MYO5A: variants seen among roughly 807,000 people sequenced by gnomAD.
MYO5A encodes the protein unconventional myosin-Va.
A neutral mutation model predicts 249.7 loss-of-function variants in MYO5A; 98 were observed. The ratio of observed to expected loss-of-function variants is 0.39; its 90% CI spans 0.33 to 0.46. MYO5A has a LOEUF of 0.46. MYO5A is among the 20% of genes least tolerant of loss of function. The pLI, the probability that MYO5A is intolerant of heterozygous loss-of-function variation, is 0.98. For missense variants in MYO5A, 1,696 were observed against 2,308.8 expected, an observed-to-expected ratio of 0.73 and a Z score of 5.44; for synonymous variants, 778 against 810.6, an observed-to-expected ratio of 0.96 and a Z score of 0.68.
At chr15:52,475,298 C>T (rs528501762) in intron 1 of MYO5A, among the ~76,000 whole-genome samples, 1 of 152,092 alleles carries the variant, frequency 6.6e-6, no homozygotes, top group Non-Finnish European at 1.5e-5. Flanking sequence ...AGTAGTCTTG[C>T]TAGCAGTCTA....
intron 1 of MYO5A, among the ~76,000 whole-genome samples, chr15:52,514,837 T>C (rs1042031937): frequency 6.6e-6 from 1 of 152,166 alleles, no homozygotes; most frequent in African/African-American, 2.4e-5. Flanking sequence ...CAAAATCCTA[T>C]GGGGAATCAT....
intron 16 of MYO5A, among the ~76,000 whole-genome samples, chr15:52,382,128 C>T (rs2041773533): frequency 6.6e-6 from 1 of 152,188 alleles, no homozygotes; most frequent in Admixed American, 6.5e-5. Context: ...GTCTCAAGCT[C>T]CTGACCTCAG....
At chr15:52,501,876 TACACACACACAC>T (rs10552352) in intron 1 of MYO5A, among the ~76,000 whole-genome samples, 5 of 140,432 alleles carry the variant, frequency 3.6e-5, no homozygotes, top group South Asian at 2.3e-4. Context: ...ATACATATAC[TACACACACACAC>T]ACACACACAC....
intron 40 of MYO5A, among the ~76,000 whole-genome samples, chr15:52,314,747 TAGAG>T (rs554248223): frequency 1.3e-5 from 2 of 152,202 alleles, no homozygotes; most frequent in Non-Finnish European, 2.9e-5. Context: ...ATTAATCAAT[TAGAG>T]AGTATGAAGT....
At chr15:52,419,471 G>A (rs1301271072) in intron 4 of MYO5A, among the ~76,000 whole-genome samples, 1 of 152,098 alleles carries the variant, frequency 6.6e-6, no homozygotes, top group Non-Finnish European at 1.5e-5. Context: ...TCTGCTCTCT[G>A]TGTCTCTCTG....
chr15:52,396,272 G>C, intron 11 of MYO5A, 44 bp downstream of exon 11: 1 of 1,151,890 alleles, frequency 8.7e-7, no homozygotes, highest in Non-Finnish European at 1.3e-6. Flanking sequence ...GAATTCAAGA[G>C]AATAATTTAT....
At chr15:52,486,483 C>T (rs1189338765) in intron 1 of MYO5A, among the ~76,000 whole-genome samples, 2 of 152,202 alleles carry the variant, frequency 1.3e-5, no homozygotes, top group Non-Finnish European at 2.9e-5. Context: ...ATGTTACCTT[C>T]TCAGAGAGGC....
chr15:52,423,535 G>C (rs1352614955), intron 4 of MYO5A, among the ~76,000 whole-genome samples: 3 of 147,360 alleles, frequency 2.0e-5, no homozygotes, highest in African/African-American at 7.6e-5. Flanking sequence ...TTGGGTGACA[G>C]GGCAAGACTC....
chr15:52,517,451 G>A (rs2141644203), intron 1 of MYO5A, among the ~76,000 whole-genome samples: 1 of 152,300 alleles, frequency 6.6e-6, no homozygotes, highest in East Asian at 1.9e-4. Context: ...TTGGGAATCT[G>A]AGGTGGGCAG....
At chr15:52,336,625 T>C (rs545565445) in intron 33 of MYO5A, 69 bp from the exon 34 acceptor site, 16 of 1,113,218 alleles carry the variant, frequency 1.4e-5, no homozygotes, top group Admixed American at 2.0e-5. Flanking sequence ...CAAAGGAAAA[T>C]AGACACAATA....
intron 37 of MYO5A, among the ~76,000 whole-genome samples, chr15:52,321,951 C>T (rs968784266): frequency 6.6e-6 from 1 of 152,000 alleles, no homozygotes; most frequent in Non-Finnish European, 1.5e-5. Context: ...TGAAATAGAC[C>T]GATTTCTACA....
chr15:52,357,127 A>T (rs542470879), intron 25 of MYO5A, among the ~76,000 whole-genome samples: 1 of 152,142 alleles, frequency 6.6e-6, no homozygotes, highest in Non-Finnish European at 1.5e-5. Context: ...AATTTCATTC[A>T]TATAAAAATT....
At chr15:52,424,764 T>A in intron 4 of MYO5A, among the ~76,000 whole-genome samples, 1 of 152,200 alleles carries the variant, frequency 6.6e-6, no homozygotes, top group East Asian at 1.9e-4. Flanking sequence ...AGAAATGAAT[T>A]AAACTTAAAC....
At chr15:52,519,335 G>A (rs568129067) in intron 1 of MYO5A, among the ~76,000 whole-genome samples, 14 of 152,090 alleles carry the variant, frequency 9.2e-5, no homozygotes, top group Admixed American at 1.3e-4. Context: ...AATAATGGCC[G>A]GGCATGGTAG....
At chr15:52,425,610 T>G (rs1434237954) in intron 4 of MYO5A, among the ~76,000 whole-genome samples, 1 of 152,206 alleles carries the variant, frequency 6.6e-6, no homozygotes, top group South Asian at 2.1e-4. Context: ...TTCGCCCACC[T>G]TGGCCTCCCA....
chr15:52,422,754 T>A (rs920490879), intron 4 of MYO5A, among the ~76,000 whole-genome samples: 3 of 152,190 alleles, frequency 2.0e-5, no homozygotes, highest in African/African-American at 7.2e-5. Flanking sequence ...TCTTGCTCTG[T>A]CACCCAGGCA....
rs757102495 is a variant in MYO5A, at chr15:52,384,227, A to C, written c.1848T>G (p.Pro616=). Residue 616 remains proline (P), a synonymous_variant, in exon 15 of 42, where the codon CCT becomes CCG. Coordinates refer to ENST00000399233, the MANE Select transcript of MYO5A (RefSeq NM_001382347.1). The part of the protein sequence containing the change: ...SSGRTPLTRT[P]AKPTKGRPGQ... The stretch of plus-strand genomic sequence containing the variant: ...CTGGTCTGCCTTTGGTGGGCTTTGC[A>C]GGAGTTCGTGTGAGGGGTGTGCGCC... 16 of 1,614,172 alleles carry C rather than the reference A, an allele frequency of 9.9e-6. No individual in the cohort carries two copies. Among genetic ancestry groups the C allele is most frequent in the Middle Eastern group, 1.6e-4 (1 of 6,062 alleles).
intron 32 of MYO5A, 22 bp downstream of exon 32, chr15:52,340,174 T>G (rs748603692): frequency 4.4e-5 from 71 of 1,613,626 alleles, no homozygotes; most frequent in Non-Finnish European, 5.8e-5. Flanking sequence ...AAGAAGCATG[T>G]GGACCCGGCA....
chr15:52,515,395 C>T (rs2077476531), intron 1 of MYO5A, among the ~76,000 whole-genome samples: 1 of 151,960 alleles, frequency 6.6e-6, no homozygotes. Context: ...GAAAGTAAAT[C>T]AAGACGATTT....
Sources: allele counts gnomAD v4.1 joint callset (sites outside exome capture counted in the v4.1 genomes callset), GRCh38; gene constraint gnomAD v4.1.1; transcripts MANE v1.5; gene names NCBI Gene and HGNC (gene_info 2026-07-23, HGNC 2026-07-21).